Variants in INSYN2B observed in about 807,000 individuals in gnomAD.
The protein encoded by INSYN2B is inhibitory synaptic factor family member 2B.
Under a neutral mutation model 41.2 loss-of-function variants are expected in INSYN2B, and 16 were observed. The observed-to-expected ratio is 0.39, with a 90% CI of 0.26 to 0.59. INSYN2B has a LOEUF of 0.59. Ranked by LOEUF, INSYN2B falls within the 20% of genes least tolerant of loss-of-function variation. The pLI, the probability that INSYN2B is intolerant of heterozygous loss-of-function variation, is 0.57. For synonymous variants in INSYN2B, 245 were observed against 244.4 expected, an observed-to-expected ratio of 1.00 and a Z score of -0.02; for missense variants, 608 against 646.4, an observed-to-expected ratio of 0.94 and a Z score of 0.64.
At chr5:169,888,618 A>G (rs1001265948) in intron 1 of INSYN2B, among the ~76,000 whole-genome samples, 3 of 152,204 alleles carry the variant, frequency 2.0e-5, no homozygotes, top group African/African-American at 7.2e-5. Context: ...TCTTTAGGCC[A>G]TACAGTGAGG....
chr5:169,881,416 T>C lies in INSYN2B; in HGVS notation c.1373A>G (p.Asp458Gly). 1 of 1,551,496 alleles carries C rather than the reference T, an allele frequency of 6.4e-7. No individual in the cohort carries two copies. The highest frequency in any genetic ancestry group is 8.7e-7 in the Non-Finnish European group (1 of 1,146,844). Residue 458 changes from aspartate (D) to glycine (G), a missense_variant, in exon 3 of 4, where the codon GAT (aspartate) becomes GGT (glycine). Coordinates refer to ENST00000377365, the MANE Select transcript of INSYN2B (RefSeq NM_001129891.3). ...CTGGCAGGTACTGCAATTGTTGAGA[T>C]CTTGGCCAGTTCGATAAAAGTTGCG... is the stretch of plus-strand genomic sequence containing the variant. Reference protein sequence around the residue: ...EGRNFYRTGQDLNNCSTCQNT... With the variant: ...EGRNFYRTGQGLNNCSTCQNT...
intron 1 of INSYN2B, among the ~76,000 whole-genome samples, chr5:169,905,772 C>G (rs1334805543): frequency 6.6e-6 from 1 of 152,232 alleles, no homozygotes; most frequent in African/African-American, 2.4e-5. Flanking sequence ...GGGCTCACCA[C>G]AGCTGCGATT....
intron 1 of INSYN2B, among the ~76,000 whole-genome samples, chr5:169,948,840 T>C (rs1776547938): frequency 6.6e-6 from 1 of 152,100 alleles, no homozygotes; most frequent in South Asian, 2.1e-4. Flanking sequence ...TCTTTTTTTT[T>C]TCTTCAGCTC....
At chr5:169,875,545 G>A (rs1772274583) in intron 3 of INSYN2B, 5 of 243,880 alleles carry the variant, frequency 2.1e-5, no homozygotes, top group South Asian at 1.3e-4. Flanking sequence ...TGCTGTGGCC[G>A]TTGCAATTAC....
intron 1 of INSYN2B, among the ~76,000 whole-genome samples, chr5:169,891,074 C>T (rs921908054): frequency 3.9e-5 from 6 of 152,216 alleles, no homozygotes; most frequent in Non-Finnish European, 7.3e-5. Flanking sequence ...GTCTACCTTC[C>T]TTGTCCCATC....
At chr5:169,963,315 C>T (rs1472776732) in intron 1 of INSYN2B, among the ~76,000 whole-genome samples, 1 of 152,128 alleles carries the variant, frequency 6.6e-6, no homozygotes, top group Non-Finnish European at 1.5e-5. Context: ...CCCACAGCAG[C>T]CCTGACCTGA....
chr5:169,924,420 C>T (rs1422465578), intron 1 of INSYN2B, among the ~76,000 whole-genome samples: 5 of 152,176 alleles, frequency 3.3e-5, no homozygotes, highest in Admixed American at 3.3e-4. Flanking sequence ...TTCCTCCAAC[C>T]ATCCTGTCAG....
At chr5:169,877,323 C>T (rs924666464) in intron 3 of INSYN2B, among the ~76,000 whole-genome samples, 1 of 152,130 alleles carries the variant, frequency 6.6e-6, no homozygotes, top group African/African-American at 2.4e-5. Context: ...TGGAGGATTA[C>T]TTGAGATAAG....
intron 1 of INSYN2B, among the ~76,000 whole-genome samples, chr5:169,893,292 C>A (rs1773402625): frequency 6.6e-6 from 1 of 152,162 alleles, no homozygotes; most frequent in African/African-American, 2.4e-5. Context: ...CTTGCTTTCT[C>A]CAGGGGAAAG....
intron 1 of INSYN2B, among the ~76,000 whole-genome samples, chr5:169,940,845 G>A (rs958379892): frequency 6.6e-6 from 1 of 152,218 alleles, no homozygotes; most frequent in East Asian, 1.9e-4. Context: ...CCACAGACTG[G>A]TACCAGTTCA....
chr5:169,921,798 C>T (rs368955778), intron 1 of INSYN2B, among the ~76,000 whole-genome samples: 1 of 152,202 alleles, frequency 6.6e-6, no homozygotes, highest in South Asian at 2.1e-4. Context: ...TGACAGTCTT[C>T]TCCCAGAGCT....
intron 1 of INSYN2B, among the ~76,000 whole-genome samples, chr5:169,894,693 G>A (rs980051260): frequency 1.1e-4 from 16 of 152,176 alleles, no homozygotes; most frequent in Non-Finnish European, 2.1e-4. Flanking sequence ...AGTAAACAGC[G>A]TGCCCAGCAG....
chr5:169,864,633 C>T (rs538974783), intron 3 of INSYN2B, among the ~76,000 whole-genome samples, 174 bp from the exon 4 acceptor site: 21 of 152,302 alleles, frequency 1.4e-4, no homozygotes, highest in Non-Finnish European at 2.4e-4. Flanking sequence ...CTCTGAACCT[C>T]TAGTTCTTCA....
rs259897 is a variant in INSYN2B, at chr5:169,934,591, A to G, written c.-919+45686T>C. 0.14 allele frequency: 65,367 copies of G among 453,364 alleles called. 7,693 individuals are homozygous for G. The highest frequency in any genetic ancestry group is 0.46 in the African/African-American group (23,181 of 49,916). The allele number at this position is 453,364 out of a possible 1,614,324, so 28.1% of individuals were successfully genotyped here. On this transcript the variant is annotated intron_variant, in intron 1 of 3. Coordinates refer to ENST00000377365, the MANE Select transcript of INSYN2B (RefSeq NM_001129891.3). The stretch of plus-strand genomic sequence containing the variant: ...GATCTAAATCCTGCTCTTTGCTTCC[A>G]GGCTGTCTGACCTTGGGCAAGATAC...
intron 3 of INSYN2B, among the ~76,000 whole-genome samples, chr5:169,865,344 C>T (rs1294388179): frequency 3.3e-5 from 5 of 152,164 alleles, no homozygotes; most frequent in African/African-American, 1.2e-4. Context: ...GAACAGAAGC[C>T]TGGCCTGTAG....
rs1012239830 is a variant in INSYN2B at position 169,862,777 on chromosome 5, G to A, written c.*1496C>T. On this transcript the variant is annotated 3_prime_UTR_variant, in exon 4 of 4. Transcript: ENST00000377365. ...CACTGCATCACTATGACAGGGGAAG[G>A]TGAAACCATCGGAGTGGTTTGCTCA... is the stretch of plus-strand genomic sequence containing the variant. 1.3e-5 allele frequency among the ~76,000 whole-genome samples: 2 copies of A among 152,184 alleles called. No individual in the cohort carries two copies. Among genetic ancestry groups the A allele is most frequent in the Non-Finnish European group, 2.9e-5 (2 of 68,030 alleles).
At chr5:169,927,599 A>C (rs1775526973) in intron 1 of INSYN2B, among the ~76,000 whole-genome samples, 1 of 152,256 alleles carries the variant, frequency 6.6e-6, no homozygotes. Context: ...CTGTGTGATC[A>C]GGAGGTAAAA....
chr5:169,934,159 G>A (rs1414393257), intron 1 of INSYN2B, among the ~76,000 whole-genome samples: 1 of 152,154 alleles, frequency 6.6e-6, no homozygotes, highest in African/African-American at 2.4e-5. Context: ...CCAATTAGGG[G>A]TTGGCAGTAA....
At chr5:169,960,370 T>A (rs1465959328) in intron 1 of INSYN2B, among the ~76,000 whole-genome samples, 1 of 152,216 alleles carries the variant, frequency 6.6e-6, no homozygotes, top group African/African-American at 2.4e-5. Flanking sequence ...CTATTTCTGG[T>A]TCTTGTAGCA....
Sources: allele counts gnomAD v4.1 joint callset (sites outside exome capture counted in the v4.1 genomes callset), GRCh38; gene constraint gnomAD v4.1.1; transcripts MANE v1.5; gene names NCBI Gene and HGNC (gene_info 2026-07-23, HGNC 2026-07-21).